SPIRE1: variants seen among roughly 807,000 people sequenced by gnomAD.
The protein encoded by SPIRE1 is protein spire homolog 1.
Under a neutral mutation model 94.1 loss-of-function variants are expected in SPIRE1, and 40 were observed. That is an observed-to-expected ratio of 0.43 (90% CI 0.33 to 0.55). The LOEUF is 0.55. Ranked by LOEUF, SPIRE1 falls within the 20% of genes least tolerant of loss-of-function variation. The probability of loss-of-function intolerance (pLI) is 0.06; values close to 1 mark genes in which losing one functional copy is unlikely to be tolerated. For synonymous variants in SPIRE1, 376 were observed against 371.7 expected (o/e 1.01, Z -0.13); for missense variants, 838 against 975.2 (o/e 0.86, Z 1.87).
chr18:12,503,612 T>C (rs1480369388), intron 6 of SPIRE1, among the ~76,000 whole-genome samples: 1 of 152,286 alleles, frequency 6.6e-6, no homozygotes, highest in South Asian at 2.1e-4. Context: ...GTTGGGTTTT[T>C]TTCCCCCTAC....
At chr18:12,547,049 T>C in intron 2 of SPIRE1, 145 bp from the exon 3 acceptor site, 1 of 574,164 alleles carries the variant, frequency 1.7e-6, no homozygotes, top group Non-Finnish European at 3.1e-6. Flanking sequence ...CTCTTAGATT[T>C]ATACTTTGTG....
intron 2 of SPIRE1, among the ~76,000 whole-genome samples, chr18:12,569,335 C>T (rs1285214615): frequency 2.6e-5 from 3 of 113,522 alleles, no homozygotes; most frequent in South Asian, 7.6e-4. Context: ...AGTGAGACTC[C>T]GTCTCAAAAA....
intron 2 of SPIRE1, 107 bp from the exon 3 acceptor site, chr18:12,547,011 C>T (rs1374855437): frequency 1.5e-6 from 1 of 672,168 alleles, no homozygotes; most frequent in Non-Finnish European, 2.5e-6. Context: ...AACCAACATA[C>T]AACACATACA....
At position 12,640,861 on chromosome 18, in the gene SPIRE1, T is replaced by C. The variant is rs552904517; in HGVS notation, c.338-5765A>G. On this transcript the variant is annotated intron_variant, in intron 1 of 16. Coordinates refer to ENST00000409402, the MANE Select transcript of SPIRE1 (RefSeq NM_001128626.2). ...ATAGTATGATGAGTTCAGATTTGAC[T>C]TTAAGGAAAATGGGAAGCTATTGAA... Among the ~76,000 whole-genome samples, 5 of 152,184 alleles carry C rather than the reference T, an allele frequency of 3.3e-5. No homozygotes were observed. In the South Asian group the frequency reaches 8.3e-4, roughly 25 times the overall value.
At chr18:12,618,170 C>A (rs1054369137) in intron 2 of SPIRE1, among the ~76,000 whole-genome samples, 2 of 151,990 alleles carry the variant, frequency 1.3e-5, no homozygotes, top group Non-Finnish European at 2.9e-5. Flanking sequence ...GGTGCGATCT[C>A]GGCTCCCTGC....
chr18:12,633,164 C>T (rs1472735577), intron 2 of SPIRE1, among the ~76,000 whole-genome samples: 1 of 152,116 alleles, frequency 6.6e-6, no homozygotes, highest in African/African-American at 2.4e-5. Context: ...ACAAAACTTA[C>T]CTCTTCTGAC....
intron 4 of SPIRE1, among the ~76,000 whole-genome samples, chr18:12,526,850 C>T (rs1343598616): frequency 6.6e-6 from 1 of 151,998 alleles, no homozygotes; most frequent in African/African-American, 2.4e-5. Context: ...GCTGGGATTA[C>T]AAGCACATGC....
intron 4 of SPIRE1, among the ~76,000 whole-genome samples, chr18:12,513,097 CT>C (rs1347816284): frequency 6.6e-6 from 1 of 152,134 alleles, no homozygotes; most frequent in Non-Finnish European, 1.5e-5. Flanking sequence ...ATATTAGTGC[CT>C]TCCCTCTAGA....
At chr18:12,594,152 T>C (rs1033230628) in intron 2 of SPIRE1, among the ~76,000 whole-genome samples, 1 of 152,092 alleles carries the variant, frequency 6.6e-6, no homozygotes, top group African/African-American at 2.4e-5. Context: ...AAATGTGTTA[T>C]GGGCAAAAGG....
chr18:12,506,965 C>G (rs1463779105), intron 5 of SPIRE1, among the ~76,000 whole-genome samples: 1 of 152,158 alleles, frequency 6.6e-6, no homozygotes, highest in Non-Finnish European at 1.5e-5. Flanking sequence ...ATATTTCCCA[C>G]ACCCTGACTT....
chr18:12,584,302 C>T (rs1033485452), intron 2 of SPIRE1, among the ~76,000 whole-genome samples: 4 of 151,610 alleles, frequency 2.6e-5, no homozygotes, highest in East Asian at 1.9e-4. Flanking sequence ...TGGTGGTGCA[C>T]GCCTGTAGTC....
chr18:12,460,203 G>A (rs1465780278), intron 12 of SPIRE1, among the ~76,000 whole-genome samples: 1 of 152,162 alleles, frequency 6.6e-6, no homozygotes, highest in African/African-American at 2.4e-5. Flanking sequence ...TTCCTCAGTG[G>A]GGCTTGTTGT....
At chr18:12,643,334 G>A (rs183258081) in intron 1 of SPIRE1, among the ~76,000 whole-genome samples, 2 of 152,266 alleles carry the variant, frequency 1.3e-5, no homozygotes, top group African/African-American at 4.8e-5. Flanking sequence ...TAGATTTTAG[G>A]AATGAGAACT....
intron 2 of SPIRE1, among the ~76,000 whole-genome samples, chr18:12,590,520 A>G (rs956745112): frequency 1.3e-5 from 2 of 152,244 alleles, no homozygotes; most frequent in Non-Finnish European, 2.9e-5. Context: ...AAAAAACAAA[A>G]AGAGAGAAAG....
chr18:12,485,372 T>C (rs1356976323), intron 9 of SPIRE1, among the ~76,000 whole-genome samples: 1 of 152,202 alleles, frequency 6.6e-6, no homozygotes, highest in Non-Finnish European at 1.5e-5. Context: ...CCCAAAGTGC[T>C]GGGATTACAG....
chr18:12,561,864 C>CA (rs71172099), intron 2 of SPIRE1, among the ~76,000 whole-genome samples: 145,396 of 152,290 alleles, frequency 0.95, 69,465 homozygotes, highest in East Asian at 1. Flanking sequence ...CATATCAGTT[C>CA]GGTTAAATTT....
intron 1 of SPIRE1, among the ~76,000 whole-genome samples, chr18:12,646,771 G>A (rs1039772601): frequency 1.3e-5 from 2 of 152,128 alleles, no homozygotes; most frequent in African/African-American, 2.4e-5. Flanking sequence ...TAGGCCCGGC[G>A]CAGTGGTTCA....
intron 2 of SPIRE1, among the ~76,000 whole-genome samples, chr18:12,617,403 T>A (rs1382192402): frequency 6.6e-6 from 1 of 151,550 alleles, no homozygotes; most frequent in African/African-American, 2.4e-5. Context: ...TTTGTTTTAG[T>A]TGTTTTTTGT....
intron 4 of SPIRE1, among the ~76,000 whole-genome samples, chr18:12,523,214 G>A (rs2034412900): frequency 6.6e-6 from 1 of 152,252 alleles, no homozygotes; most frequent in East Asian, 1.9e-4. Flanking sequence ...CTGATGTGGT[G>A]GAAACAGTCA....
Sources: allele counts gnomAD v4.1 joint callset (sites outside exome capture counted in the v4.1 genomes callset), GRCh38; gene constraint gnomAD v4.1.1; transcripts MANE v1.5; gene names NCBI Gene and HGNC (gene_info 2026-07-23, HGNC 2026-07-21).